The following UBE2L3 variants were observed in gnomAD, a reference collection of about 807,000 sequenced individuals.
UBE2L3 encodes the protein ubiquitin-conjugating enzyme E2 L3.
A neutral mutation model predicts 17.8 loss-of-function variants in UBE2L3; 1 was observed. The ratio of observed to expected loss-of-function variants is 0.06; its 90% CI spans 0.02 to 0.27. The LOEUF is 0.27. UBE2L3 is among the 10% of genes least tolerant of loss of function. The probability of loss-of-function intolerance (pLI) is 1.00; values close to 1 mark genes in which losing one functional copy is unlikely to be tolerated. For missense variants in UBE2L3, 40 were observed against 192.6 expected (o/e 0.21, Z 4.69); for synonymous variants, 44 against 68.5 (o/e 0.64, Z 1.76).
At chr22:21,608,635 G>T (rs1047885411) in intron 2 of UBE2L3, among the ~76,000 whole-genome samples, 1 of 151,970 alleles carries the variant, frequency 6.6e-6, no homozygotes, top group African/African-American at 2.4e-5. Context: ...ACGTTGGCCA[G>T]GCTGGTCTTG....
At chr22:21,586,546 C>G (rs1415963171) in intron 1 of UBE2L3, among the ~76,000 whole-genome samples, 1 of 150,494 alleles carries the variant, frequency 6.6e-6, no homozygotes, top group African/African-American at 2.4e-5. Context: ...GCTGGGATTA[C>G]AGGCTTGAGC....
chr22:21,567,457 C>T, upstream of UBE2L3: 1 of 487,610 alleles, frequency 2.1e-6, no homozygotes, highest in Non-Finnish European at 3.4e-6. Flanking sequence ...GCCCCCGCGC[C>T]TGGTCAACTA....
In UBE2L3 at chr22:21,611,048, GAC is replaced by G; in HGVS notation, c.310+7_310+8del. ...CAGCAACCAAAACCGACCAAGGTAA[GAC>G]ATGTGCCTGTGTCTTCCTCGGAGGG... On this transcript the variant is annotated splice_donor_region_variant and intron_variant, in intron 3 of 3. Coordinates refer to ENST00000342192, the MANE Select transcript of UBE2L3 (RefSeq NM_003347.4). 1 of 1,596,516 alleles carries G rather than the reference GAC, an allele frequency of 6.3e-7. No homozygotes were observed. Among genetic ancestry groups the G allele is most frequent in the African/African-American group, 1.3e-5 (1 of 74,224 alleles).
chr22:21,603,828 C>T (rs1483210260), intron 2 of UBE2L3, among the ~76,000 whole-genome samples: 1 of 146,038 alleles, frequency 6.8e-6, no homozygotes, highest in Non-Finnish European at 1.5e-5. Context: ...CAGAGCCAGA[C>T]TCTGTCTCAA....
At chr22:21,552,784 C>T (rs1353003211) in intron 1 of UBE2L3, among the ~76,000 whole-genome samples, 1 of 62,820 alleles carries the variant, frequency 1.6e-5, no homozygotes, top group African/African-American at 7.6e-5. Flanking sequence ...AATGCAGTGG[C>T]GCAATCTCTG....
chr22:21,566,457 C>T (rs551046110), upstream of UBE2L3, among the ~76,000 whole-genome samples: 42 of 151,992 alleles, frequency 2.8e-4, no homozygotes, highest in African/African-American at 8.4e-4. Flanking sequence ...TGTGGTGGAA[C>T]GTGCCTGTAG....
intron 1 of UBE2L3, among the ~76,000 whole-genome samples, chr22:21,592,210 C>T (rs1042967469): frequency 4.6e-5 from 7 of 152,132 alleles, no homozygotes; most frequent in Non-Finnish European, 1.0e-4. Flanking sequence ...TTTCTGCACT[C>T]TGGGTCTGTT....
rs118148873 is a variant in UBE2L3 at position 21,615,173 on chromosome 22, A to G, written c.310+4130A>G. Among the ~76,000 whole-genome samples, 64 of 152,104 alleles carry G rather than the reference A, an allele frequency of 4.2e-4. No individual in the cohort carries two copies. In the East Asian group the frequency reaches 0.012, roughly 29 times the overall value. The stretch of plus-strand genomic sequence containing the variant: ...TCCGTCTCAAAACAAAACAAAACAA[A>G]CAACAAAAAATGGTGTATCTCTACA... On this transcript the variant is annotated intron_variant, in intron 3 of 3. Coordinates refer to ENST00000342192, the MANE Select transcript of UBE2L3 (RefSeq NM_003347.4).
intron 1 of UBE2L3, among the ~76,000 whole-genome samples, chr22:21,584,366 G>A (rs959809767): frequency 3.3e-5 from 5 of 151,166 alleles, no homozygotes; most frequent in African/African-American, 9.7e-5. Flanking sequence ...TAGTAGAGAT[G>A]GGGTTTCACC....
intron 2 of UBE2L3, among the ~76,000 whole-genome samples, chr22:21,606,693 T>TA (rs1298256398): frequency 6.6e-6 from 1 of 151,752 alleles, no homozygotes; most frequent in Admixed American, 6.6e-5. Context: ...CTATAAGAAA[T>TA]AAAAAAATAG....
intron 2 of UBE2L3, among the ~76,000 whole-genome samples, chr22:21,602,347 CACCACA>C (rs1180226790): frequency 2.6e-5 from 4 of 152,180 alleles, no homozygotes; most frequent in Non-Finnish European, 4.4e-5. Context: ...GCTAGGAACA[CACCACA>C]AGGACGTGCC....
At chr22:21,572,979 C>G (rs1927067678) in intron 1 of UBE2L3, among the ~76,000 whole-genome samples, 1 of 152,156 alleles carries the variant, frequency 6.6e-6, no homozygotes, top group Admixed American at 6.6e-5. Context: ...TGTCTTCTCT[C>G]CATCCCCACT....
intron 2 of UBE2L3, among the ~76,000 whole-genome samples, chr22:21,594,087 C>T (rs1321975957): frequency 6.6e-6 from 1 of 152,224 alleles, no homozygotes; most frequent in Admixed American, 6.5e-5. Flanking sequence ...CCTTGTCCTG[C>T]GTGAGTGCCC....
At chr22:21,608,167 A>G (rs1022667741) in intron 2 of UBE2L3, among the ~76,000 whole-genome samples, 17 of 152,234 alleles carry the variant, frequency 1.1e-4, no homozygotes, top group African/African-American at 4.1e-4. Context: ...AGCAACAGGA[A>G]CTCTCGCTCT....
chr22:21,591,730 G>C (rs1928275102), intron 1 of UBE2L3, among the ~76,000 whole-genome samples: 1 of 152,222 alleles, frequency 6.6e-6, no homozygotes, highest in African/African-American at 2.4e-5. Flanking sequence ...CACGTAAGGA[G>C]GTTCTGGAGG....
chr22:21,564,034 TTTC>T (rs1012298898), upstream of UBE2L3, among the ~76,000 whole-genome samples: 1 of 150,370 alleles, frequency 6.7e-6, no homozygotes, highest in Non-Finnish European at 1.5e-5. Flanking sequence ...CTTTTCTTTC[TTTC>T]TTTTTTTTTT....
chr22:21,592,770 G>A, intron 1 of UBE2L3, 91 bp from the exon 2 acceptor site: 2 of 1,019,716 alleles, frequency 2.0e-6, no homozygotes, highest in African/African-American at 1.6e-5. Context: ...AGCATTTTTG[G>A]CACTTGGTTT....
At chr22:21,557,168 C>G (rs1926261611) in intron 1 of UBE2L3, among the ~76,000 whole-genome samples, 1 of 152,248 alleles carries the variant, frequency 6.6e-6, no homozygotes, top group Admixed American at 6.5e-5. Flanking sequence ...AGTTCAAGAC[C>G]AGCCTAGACA....
intron 3 of UBE2L3, among the ~76,000 whole-genome samples, chr22:21,614,990 C>A (rs926270101): frequency 6.6e-6 from 1 of 151,660 alleles, no homozygotes; most frequent in Non-Finnish European, 1.5e-5. Context: ...CCTGTCTCTA[C>A]TAAAAATACA....
Sources: allele counts gnomAD v4.1 joint callset (sites outside exome capture counted in the v4.1 genomes callset), GRCh38; gene constraint gnomAD v4.1.1; transcripts MANE v1.5; gene names NCBI Gene and HGNC (gene_info 2026-07-23, HGNC 2026-07-21).